Variants in PTPRT observed in about 807,000 individuals in gnomAD.
PTPRT encodes protein tyrosine phosphatase receptor type T, also known as receptor-type tyrosine-protein phosphatase T.
PTPRT carries 56 observed loss-of-function variants against 176.8 expected under a neutral mutation model. That is an observed-to-expected ratio of 0.32 (90% CI 0.26 to 0.40). The LOEUF is 0.40. Ranked by LOEUF, PTPRT falls within the 10% of genes least tolerant of loss-of-function variation. The pLI is 1.00. For missense variants in PTPRT, 1,540 were observed against 1,908.2 expected, an observed-to-expected ratio of 0.81 and a Z score of 3.60; for synonymous variants, 783 against 739.0, an observed-to-expected ratio of 1.06 and a Z score of -0.96.
intron 7 of PTPRT, among the ~76,000 whole-genome samples, chr20:42,546,216 C>G (rs1341870824): frequency 1.3e-5 from 2 of 152,062 alleles, no homozygotes; most frequent in Non-Finnish European, 2.9e-5. Flanking sequence ...ACAGCAGATT[C>G]ACAGAGACTC....
At chr20:43,102,174 A>G (rs2012413976) in intron 1 of PTPRT, among the ~76,000 whole-genome samples, 1 of 152,036 alleles carries the variant, frequency 6.6e-6, no homozygotes, top group African/African-American at 2.4e-5. Context: ...ATATTAATAC[A>G]GGGGGCATAC....
intron 1 of PTPRT, among the ~76,000 whole-genome samples, chr20:43,143,538 T>G (rs1274304705): frequency 6.6e-6 from 1 of 152,144 alleles, no homozygotes; most frequent in East Asian, 1.9e-4. Context: ...CACCACACAT[T>G]TACAGAGGCC....
chr20:43,097,577 T>C (rs1466245408), intron 1 of PTPRT, among the ~76,000 whole-genome samples: 1 of 152,226 alleles, frequency 6.6e-6, no homozygotes, highest in Non-Finnish European at 1.5e-5. Context: ...GGCACAGAGA[T>C]GCTGAGAAAC....
At chr20:42,961,817 A>C (rs1981999342) in intron 1 of PTPRT, among the ~76,000 whole-genome samples, 1 of 152,204 alleles carries the variant, frequency 6.6e-6, no homozygotes. Context: ...TGATGAGAGG[A>C]GGCTGGATTA....
chr20:42,730,105 C>T (rs2076438056), intron 6 of PTPRT, among the ~76,000 whole-genome samples: 1 of 152,134 alleles, frequency 6.6e-6, no homozygotes, highest in Non-Finnish European at 1.5e-5. Context: ...TGTCTGTGTC[C>T]TTAATGTTGA....
In PTPRT at chr20:42,368,370, C is replaced by T. The variant is rs114236617; in HGVS notation, c.1561-16085G>A. Among the ~76,000 whole-genome samples, 1,415 of 152,244 alleles carry T rather than the reference C, an allele frequency of 9.3e-3. 22 individuals carry two copies. Among genetic ancestry groups the T allele is most frequent in the African/African-American group, 0.032 (1,323 of 41,536 alleles). On this transcript the variant is annotated intron_variant, in intron 9 of 30. Coordinates refer to ENST00000373187, the MANE Select transcript of PTPRT (RefSeq NM_007050.6). ...AAAGGTTATTGTAAGCAGTGCTCTCCGAAAATGGGAGTTCCCTGAGCTTTA... is the reference window on the plus strand; with the variant it reads ...AAAGGTTATTGTAAGCAGTGCTCTCTGAAAATGGGAGTTCCCTGAGCTTTA...
intron 7 of PTPRT, among the ~76,000 whole-genome samples, chr20:42,477,756 G>A (rs1324657548): frequency 6.6e-6 from 1 of 152,178 alleles, no homozygotes. Flanking sequence ...GACAAACAGT[G>A]GGAAGAGTGT....
Position 42,140,033 on chromosome 20 carries a change from T to C in PTPRT, c.2770+1882A>G, listed in dbSNP as rs6102688. Among the ~76,000 whole-genome samples, 1,352 of 152,380 alleles carry C rather than the reference T, an allele frequency of 8.9e-3. 18 individuals carry two copies. Among genetic ancestry groups the C allele is most frequent in the African/African-American group, 0.031 (1,285 of 41,582 alleles). ...AAATGTTTTCTGATTAGTTCTACCA[T>C]TCATAGCCCATTCCTAAATCAGCAC... On this transcript the variant is annotated intron_variant, in intron 18 of 30. Transcript: ENST00000373187.
chr20:42,192,872 G>C (rs1055010683), intron 16 of PTPRT, among the ~76,000 whole-genome samples: 1 of 152,186 alleles, frequency 6.6e-6, no homozygotes, highest in Non-Finnish European at 1.5e-5. Context: ...GGTCCTAGTA[G>C]GATGATTCCG....
intron 15 of PTPRT, among the ~76,000 whole-genome samples, chr20:42,205,470 A>G (rs2055431953): frequency 6.6e-6 from 1 of 152,174 alleles, no homozygotes. Context: ...GCAAGTACTC[A>G]GCTCCCTGCT....
At chr20:42,734,768 C>T (rs75237887) in intron 6 of PTPRT, among the ~76,000 whole-genome samples, 1,904 of 152,296 alleles carry the variant, frequency 0.013, 31 homozygotes, top group African/African-American at 0.044. Flanking sequence ...AGGAACTAGT[C>T]TGAAGGAGCT....
At chr20:42,711,612 C>A (rs186002359) in intron 6 of PTPRT, among the ~76,000 whole-genome samples, 2 of 152,076 alleles carry the variant, frequency 1.3e-5, no homozygotes, top group African/African-American at 2.4e-5. Context: ...GCCAAATAAA[C>A]CTCTTTTCTT....
At chr20:42,989,098 T>C (rs1026580440) in intron 1 of PTPRT, among the ~76,000 whole-genome samples, 6 of 152,252 alleles carry the variant, frequency 3.9e-5, no homozygotes, top group Admixed American at 1.3e-4. Flanking sequence ...TGCCATCAGA[T>C]TGGCATTATT....
At position 42,937,445 on chromosome 20, in the gene PTPRT, C is replaced by T. The variant is rs577543286; in HGVS notation, c.89-51513G>A. On this transcript the variant is annotated intron_variant, in intron 1 of 30. Coordinates refer to ENST00000373187, the MANE Select transcript of PTPRT (RefSeq NM_007050.6). The stretch of plus-strand genomic sequence containing the variant: ...GCAGTTATGCTGAGCCAGACAGTCT[C>T]TCCCTGTAAACTTGCAGTGATGGGA... Among the ~76,000 whole-genome samples the T allele has an allele frequency of 1.4e-4, 21 of 152,356 alleles. No individual in the cohort carries two copies. In the South Asian group the frequency reaches 4.4e-3, roughly 32 times the overall value.
At chr20:43,118,971 G>T (rs1027404480) in intron 1 of PTPRT, among the ~76,000 whole-genome samples, 4 of 152,170 alleles carry the variant, frequency 2.6e-5, no homozygotes, top group African/African-American at 9.7e-5. Flanking sequence ...CAACAGTGAT[G>T]AATTCAAATT....
chr20:42,567,794 T>C (rs2073070959), intron 7 of PTPRT, among the ~76,000 whole-genome samples: 1 of 152,190 alleles, frequency 6.6e-6, no homozygotes, highest in South Asian at 2.1e-4. Context: ...TGTTTTATAA[T>C]TGTGATATAT....
intron 14 of PTPRT, among the ~76,000 whole-genome samples, chr20:42,242,955 G>T (rs1015162192): frequency 1.3e-5 from 2 of 150,082 alleles, no homozygotes; most frequent in South Asian, 4.3e-4. Flanking sequence ...AGTTAGGAAG[G>T]TCAGTGAGGA....
intron 13 of PTPRT, among the ~76,000 whole-genome samples, chr20:42,251,930 T>C (rs1216281595): frequency 1.3e-5 from 2 of 152,146 alleles, no homozygotes; most frequent in African/African-American, 4.8e-5. Context: ...GTATTTCCAA[T>C]AGATCATTCC....
chr20:43,032,724 C>A (rs1246932651), intron 1 of PTPRT, among the ~76,000 whole-genome samples: 1 of 152,058 alleles, frequency 6.6e-6, no homozygotes, highest in African/African-American at 2.4e-5. Flanking sequence ...ACTGCATATC[C>A]TCCCCTTCCC....
Sources: gnomAD v4.1 joint callset for allele counts (sites outside exome capture counted in the v4.1 genomes callset) on GRCh38, gnomAD v4.1.1 for gene constraint, MANE v1.5 for transcripts, NCBI Gene and HGNC (gene_info 2026-07-23, HGNC 2026-07-21) for gene names.